ZNF462: variants seen among roughly 807,000 people sequenced by gnomAD.
ZNF462 encodes zinc finger protein 462, also known as zinc finger PBX1-interacting protein.
A neutral mutation model predicts 201.9 loss-of-function variants in ZNF462; 10 were observed. The ratio of observed to expected loss-of-function variants is 0.05; its 90% CI spans 0.03 to 0.08. The LOEUF (loss-of-function observed/expected upper bound fraction) is 0.08, where lower values mean the gene tolerates loss of function less well. Ranked by LOEUF, ZNF462 falls within the 10% of genes least tolerant of loss-of-function variation. ZNF462 has a pLI of 1.00. For missense variants in ZNF462, 2,523 were observed against 3,168.3 expected, an observed-to-expected ratio of 0.80 and a Z score of 4.89; for synonymous variants, 1,227 against 1,193.3, an observed-to-expected ratio of 1.03 and a Z score of -0.58.
rs770175936 is a variant in ZNF462 at position 106,926,349 on chromosome 9, T to A, written c.2437T>A (p.Ser813Thr). ...SSTNLKDHQV[S>T]NTALLNTQTP... The stretch of plus-strand genomic sequence containing the variant: ...AACAAACTTGAAAGATCACCAAGTT[T>A]CCAATACTGCTCTGCTGAATACCCA... Residue 813 changes from serine (S) to threonine (T), a missense_variant, in exon 3 of 13, where the codon TCC becomes ACC. By Grantham distance (58) the Ser-to-Thr change is moderately conservative (BLOSUM62 1). This residue lies in a region of ZNF462 where 383 missense variants were observed against 453.4 expected (regional missense o/e 0.84). Coordinates refer to ENST00000277225, the MANE Select transcript of ZNF462 (RefSeq NM_021224.6). The surrounding 1 kb of genome is among the most constrained non-coding windows in gnomAD (Gnocchi z 7.9). 1.1e-5 allele frequency: 17 copies of A among 1,614,036 alleles called. No homozygotes were observed. Among genetic ancestry groups the A allele is most frequent in the Non-Finnish European group, 1.4e-5 (17 of 1,180,046 alleles).
chr9:106,911,813 A>T (rs536482090), intron 1 of ZNF462, among the ~76,000 whole-genome samples: 1 of 152,332 alleles, frequency 6.6e-6, no homozygotes, highest in South Asian at 2.1e-4. Flanking sequence ...AGACTTTCTG[A>T]TACATTTAGA....
Position 106,924,002 on chromosome 9 carries a change from C to G in ZNF462, c.221-131C>G. The G allele has an allele frequency of 1.3e-6, 1 of 753,274 alleles. No homozygotes were observed. Among genetic ancestry groups the G allele is most frequent in the Non-Finnish European group, 2.1e-6 (1 of 473,770 alleles). 46.7% of individuals were successfully genotyped at this position (753,274 alleles called of 1,614,324 possible). On this transcript the variant is annotated intron_variant, in intron 2 of 12. Coordinates refer to ENST00000277225, the MANE Select transcript of ZNF462 (RefSeq NM_021224.6). This position sits in a 1 kb window ranked among gnomAD's most constrained non-coding sequence, Gnocchi z 6.2. ...ATGCTTTGTGAATACTCTTCAAGGCCTCATCTTGAGACTTCAGGCCTTTTG... is the reference window on the plus strand; with the variant it reads ...ATGCTTTGTGAATACTCTTCAAGGCGTCATCTTGAGACTTCAGGCCTTTTG...
intron 1 of ZNF462, among the ~76,000 whole-genome samples, chr9:106,868,656 GAAGAGGAAA>G (rs1827452406): frequency 6.6e-6 from 1 of 152,124 alleles, no homozygotes; most frequent in East Asian, 1.9e-4. Flanking sequence ...GCATTATACT[GAAGAGGAAA>G]CTGGCACAAA....
Position 106,933,642 on chromosome 9 carries a change from AAAAAC to A in ZNF462, c.6116+1104_6116+1108del, listed in dbSNP as rs1305280766. On this transcript the variant is annotated intron_variant, in intron 5 of 12. Coordinates refer to ENST00000277225, the MANE Select transcript of ZNF462 (RefSeq NM_021224.6). The surrounding 1 kb of genome is among the most constrained non-coding windows in gnomAD (Gnocchi z 4.3). The stretch of plus-strand genomic sequence containing the variant: ...CAAGGGTTGGTTTATGAAATTAAAA[AAAAAC>A]AAAACAAAACCCACTGACTCATCAA... Among the ~76,000 whole-genome samples the A allele has an allele frequency of 1.3e-5, 2 of 152,240 alleles. No homozygotes were observed. Among genetic ancestry groups the A allele is most frequent in the Admixed American group, 6.5e-5 (1 of 15,276 alleles).
chr9:106,874,538 T>G (rs1364811440), intron 1 of ZNF462, among the ~76,000 whole-genome samples: 1 of 152,084 alleles, frequency 6.6e-6, no homozygotes, highest in Non-Finnish European at 1.5e-5. Flanking sequence ...ACGTAGAAAG[T>G]TTATGTATGC....
chr9:106,992,585 G>T (rs1165744187), intron 10 of ZNF462, among the ~76,000 whole-genome samples: 1 of 152,056 alleles, frequency 6.6e-6, no homozygotes, highest in Non-Finnish European at 1.5e-5. Flanking sequence ...ACAGCATTGA[G>T]GAATCCAAAA....
intron 1 of ZNF462, among the ~76,000 whole-genome samples, chr9:106,863,677 C>T (rs1404021779): frequency 6.6e-6 from 1 of 151,980 alleles, no homozygotes; most frequent in East Asian, 1.9e-4. Context: ...CTGCTGGCTG[C>T]TGCTCCTGCT....
In ZNF462 at chr9:106,968,755, G is replaced by A. The variant is rs143515046; in HGVS notation, c.6428-3250G>A. Among the ~76,000 whole-genome samples the A allele has an allele frequency of 2.4e-3, 368 of 152,262 alleles. No individual in the cohort carries two copies. The highest frequency in any genetic ancestry group is 8.3e-3 in the African/African-American group (346 of 41,540). Reference sequence around the variant, plus strand: ...TGATTCAGCTGCTGTATTTCCCCATGACCAGAAGTCTGACTCTCCCAACAC... The same window carrying A: ...TGATTCAGCTGCTGTATTTCCCCATAACCAGAAGTCTGACTCTCCCAACAC... On this transcript the variant is annotated intron_variant, in intron 7 of 12. Coordinates refer to ENST00000277225, the MANE Select transcript of ZNF462 (RefSeq NM_021224.6). The surrounding 1 kb of genome is among the most constrained non-coding windows in gnomAD (Gnocchi z 4.0).
intron 7 of ZNF462, among the ~76,000 whole-genome samples, chr9:106,971,786 T>C (rs574859490): frequency 6.6e-6 from 1 of 152,162 alleles, no homozygotes; most frequent in Non-Finnish European, 1.5e-5. Context: ...AACTGTGAGG[T>C]GATGGATACG....
At chr9:106,961,790 T>G (rs1174752322) in intron 7 of ZNF462, among the ~76,000 whole-genome samples, 1 of 152,042 alleles carries the variant, frequency 6.6e-6, no homozygotes, top group East Asian at 1.9e-4. Flanking sequence ...TTAATATGTG[T>G]ATCTAGAAGG....
intron 1 of ZNF462, among the ~76,000 whole-genome samples, chr9:106,922,544 C>T (rs1266981486): frequency 6.6e-6 from 1 of 152,166 alleles, no homozygotes; most frequent in East Asian, 1.9e-4. Flanking sequence ...TTCAAAAATG[C>T]AAGTTTCTGT....
intron 1 of ZNF462, among the ~76,000 whole-genome samples, chr9:106,864,215 C>A (rs543037148): frequency 1.3e-4 from 19 of 151,008 alleles, no homozygotes; most frequent in African/African-American, 3.9e-4. Flanking sequence ...GAGCGGGGGG[C>A]ACCGGCCGGG....
At chr9:106,881,800 C>A (rs1828108935) in intron 1 of ZNF462, among the ~76,000 whole-genome samples, 2 of 152,162 alleles carry the variant, frequency 1.3e-5, no homozygotes, top group South Asian at 4.1e-4. Context: ...CCCTATGAAA[C>A]ATGACTCCAA....
chr9:106,863,402 C>G (rs1214570205), intron 1 of ZNF462, 47 bp downstream of exon 1: 1 of 388,702 alleles, frequency 2.6e-6, no homozygotes, highest in African/African-American at 2.1e-5. Context: ...CCGAGTGCTC[C>G]GGGGAAGAGA....
chr9:106,983,129 A>G (rs910117490), intron 9 of ZNF462, among the ~76,000 whole-genome samples: 4 of 152,206 alleles, frequency 2.6e-5, no homozygotes, highest in Non-Finnish European at 4.4e-5. Flanking sequence ...CCAGTTATGG[A>G]TATCTGGCGT....
Position 106,935,414 on chromosome 9 carries a change from G to C in ZNF462, c.6117-89G>C. 8.8e-7 allele frequency: 1 copy of C among 1,130,572 alleles called. No homozygotes were observed. The allele number at this position is 1,130,572 out of a possible 1,614,324, so 70.0% of individuals were successfully genotyped here. A position where few individuals can be genotyped will look rare whatever the true frequency, so the allele number is the denominator to read the frequency against. On this transcript the variant is annotated intron_variant, in intron 5 of 12. Coordinates refer to ENST00000277225, the MANE Select transcript of ZNF462 (RefSeq NM_021224.6). The surrounding 1 kb of genome is among the most constrained non-coding windows in gnomAD (Gnocchi z 4.1). ...CAAAAGGACTTTGAACGACCTAGAA[G>C]TAGGATTCCTGGAAAAAAAGCAATG...
chr9:106,987,155 G>A (rs576698068), intron 10 of ZNF462, among the ~76,000 whole-genome samples: 2 of 152,178 alleles, frequency 1.3e-5, no homozygotes, highest in African/African-American at 4.8e-5. Flanking sequence ...TTCGAATAGT[G>A]ACTTTTCCTC....
intron 1 of ZNF462, among the ~76,000 whole-genome samples, chr9:106,921,914 A>T (rs1350499936): frequency 6.6e-6 from 1 of 152,204 alleles, no homozygotes; most frequent in East Asian, 1.9e-4. Context: ...TGTTTATTGA[A>T]AAAGGATAAA....
At chr9:106,906,539 T>C (rs1263697924) in intron 1 of ZNF462, among the ~76,000 whole-genome samples, 1 of 152,190 alleles carries the variant, frequency 6.6e-6, no homozygotes, top group Non-Finnish European at 1.5e-5. Flanking sequence ...GTTTCTAAAA[T>C]CACTGAATAT....
Sources: gnomAD v4.1 joint callset for allele counts (sites outside exome capture counted in the v4.1 genomes callset) on GRCh38, gnomAD v4.1.1 for gene constraint, gnomAD v4.1.1 regional missense constraint, Gnocchi (gnomAD v3.1) non-coding constraint, MANE v1.5 for transcripts, NCBI Gene and HGNC (gene_info 2026-07-23, HGNC 2026-07-21) for gene names.